The following SAMHD1 variants were observed in gnomAD, a reference collection of about 807,000 sequenced individuals.
SAMHD1 encodes the protein SAM and HD domain containing deoxynucleoside triphosphate triphosphohydrolase 1.
SAMHD1 carries 54 observed loss-of-function variants against 79.6 expected under a neutral mutation model. The observed-to-expected ratio is 0.68, with a 90% confidence interval of 0.55 to 0.85. SAMHD1 has a LOEUF of 0.85. SAMHD1 is among the 40% of genes least tolerant of loss of function. The pLI, the probability that SAMHD1 is intolerant of heterozygous loss-of-function variation, is 0.00. For synonymous variants in SAMHD1, 260 were observed against 264.1 expected, an observed-to-expected ratio of 0.98 and a Z score of 0.15; for missense variants, 663 against 782.7, an observed-to-expected ratio of 0.85 and a Z score of 1.82.
rs1178988134 is a variant in SAMHD1, at chr20:36,939,075, C to CAAAAAAA, written c.348+1957_348+1963dup. On this transcript the variant is annotated intron_variant, in intron 3 of 15. Coordinates refer to ENST00000646673, the MANE Select transcript of SAMHD1 (RefSeq NM_015474.4). ...GAAACCTTGCCTCTACTAAAAATACCAAAAAAAAAAAAAAAAAAAAAAAAA... is the reference window on the plus strand; with the variant it reads ...GAAACCTTGCCTCTACTAAAAATACCAAAAAAAAAAAAAAAAAAAAAAAAAAAAAAAA... Among the ~76,000 whole-genome samples the CAAAAAAA allele has an allele frequency of 6.4e-3, 144 of 22,530 alleles. 7 individuals carry two copies. The highest frequency in any genetic ancestry group is 0.012 in the African/African-American group (57 of 4,904). 14.8% of individuals were successfully genotyped at this position (22,530 alleles called of 152,430 possible).
At chr20:36,894,239 GTTA>G (rs1361407820) in intron 15 of SAMHD1, 3 of 231,282 alleles carry the variant, frequency 1.3e-5, no homozygotes, top group South Asian at 3.0e-4. Flanking sequence ...TAAAAAATGT[GTTA>G]TTATTTTTTT....
chr20:36,903,417 T>C (rs1238736879), intron 13 of SAMHD1, among the ~76,000 whole-genome samples: 3 of 150,878 alleles, frequency 2.0e-5, no homozygotes, highest in Non-Finnish European at 3.0e-5. Flanking sequence ...TTTTTGTATT[T>C]TTAGTAGTGA....
intron 4 of SAMHD1, among the ~76,000 whole-genome samples, chr20:36,932,932 G>A (rs2063577175): frequency 1.3e-5 from 2 of 152,034 alleles, no homozygotes; most frequent in Admixed American, 1.3e-4. Context: ...TTTTTTTAAA[G>A]TAGGAATATC....
intron 9 of SAMHD1, chr20:36,916,500 C>A (rs555302365): frequency 9.8e-5 from 45 of 461,534 alleles, no homozygotes; most frequent in African/African-American, 8.1e-4. Flanking sequence ...AACAAAAAAA[C>A]CCCAAAACCA....
chr20:36,943,817 C>T (rs1392523126), intron 2 of SAMHD1, among the ~76,000 whole-genome samples: 5 of 152,092 alleles, frequency 3.3e-5, no homozygotes, highest in East Asian at 3.9e-4. Context: ...CAGTGGCTCA[C>T]GCCTGTAATC....
rs189418911 is a variant in SAMHD1, at chr20:36,907,314, A to G, written c.1271-1811T>C. ...TCGCTCTGTTGTCAGGCTGGAGTGA[A>G]GTGGCACGTGATCATGGCTCACTGC... On this transcript the variant is annotated intron_variant, in intron 11 of 15. Transcript: ENST00000646673. Among the ~76,000 whole-genome samples, 514 of 150,342 alleles carry G rather than the reference A, an allele frequency of 3.4e-3. 4 individuals are homozygous for G. Among genetic ancestry groups the G allele is most frequent in the African/African-American group, 0.012 (477 of 40,850 alleles).
At chr20:36,903,200 C>T (rs1601117466) in intron 13 of SAMHD1, among the ~76,000 whole-genome samples, 1 of 152,048 alleles carries the variant, frequency 6.6e-6, no homozygotes, top group Non-Finnish European at 1.5e-5. Context: ...ACAGGGAGGG[C>T]AGTTTTGAAT....
Position 36,951,667 on chromosome 20 carries a change from G to A in SAMHD1, c.-24C>T, listed in dbSNP as rs1052693969. 42 of 1,612,032 alleles carry A rather than the reference G, an allele frequency of 2.6e-5. No individual in the cohort carries two copies. Among genetic ancestry groups the A allele is most frequent in the Non-Finnish European group, 3.6e-5 (42 of 1,179,950 alleles). Reference sequence around the variant, plus strand: ...ATGGCTACACCTGGCGTCCGGCACAGCAGTCAAGAACCTCGGCGCCGGACC... The same window carrying A: ...ATGGCTACACCTGGCGTCCGGCACAACAGTCAAGAACCTCGGCGCCGGACC... On this transcript the variant is annotated 5_prime_UTR_variant, in exon 1 of 16. Transcript: ENST00000646673.
chr20:36,946,684 A>C, intron 2 of SAMHD1, 54 bp downstream of exon 2: 1 of 1,423,562 alleles, frequency 7.0e-7, no homozygotes, highest in South Asian at 1.2e-5. Context: ...TTTGTCCCTG[A>C]AAGATGGATA....
At chr20:36,937,915 C>T (rs1354609239) in intron 3 of SAMHD1, among the ~76,000 whole-genome samples, 1 of 145,524 alleles carries the variant, frequency 6.9e-6, no homozygotes, top group Non-Finnish European at 1.5e-5. Flanking sequence ...TGGAGTGCAG[C>T]GGCGTGATCA....
intron 3 of SAMHD1, among the ~76,000 whole-genome samples, chr20:36,937,295 T>C (rs1425275726): frequency 6.6e-6 from 1 of 152,084 alleles, no homozygotes; most frequent in Admixed American, 6.6e-5. Flanking sequence ...GAACAAACCA[T>C]GGTGACCTTG....
chr20:36,950,987 A>G (rs960693851), intron 1 of SAMHD1, among the ~76,000 whole-genome samples: 4 of 152,180 alleles, frequency 2.6e-5, no homozygotes, highest in African/African-American at 7.2e-5. Context: ...CCGCCCACCA[A>G]GGTCTGGGGA....
At chr20:36,938,565 G>A (rs1030222163) in intron 3 of SAMHD1, among the ~76,000 whole-genome samples, 2 of 151,818 alleles carry the variant, frequency 1.3e-5, no homozygotes, top group South Asian at 2.1e-4. Flanking sequence ...GGACAGGCAC[G>A]GTGGCACGTG....
intron 2 of SAMHD1, 127 bp from the exon 3 acceptor site, chr20:36,941,238 A>G: frequency 2.8e-6 from 2 of 725,238 alleles, no homozygotes; most frequent in Non-Finnish European, 4.9e-6. Flanking sequence ...GGAACAATCA[A>G]TAATTCAAAC....
At position 36,905,453 on chromosome 20, in the gene SAMHD1, C is replaced by T. The variant is rs1311797673; in HGVS notation, c.1321G>A (p.Ala441Thr). ...TCAATTTGTTTTAAAATCTCTCGTGCGTCTTTCAATTTGGGATCAGTAGAG... is the reference window on the plus strand; with the variant it reads ...TCAATTTGTTTTAAAATCTCTCGTGTGTCTTTCAATTTGGGATCAGTAGAG... ...LYSTDPKLKDAREILKQIEYR... is the reference protein window; with the variant it reads ...LYSTDPKLKDTREILKQIEYR... Residue 441 changes from alanine to threonine, a missense_variant, in exon 12 of 16, where the codon GCA becomes ACA. Physicochemically the swap from Ala to Thr is moderately conservative, Grantham distance 58. Coordinates refer to ENST00000646673, the MANE Select transcript of SAMHD1 (RefSeq NM_015474.4). The T allele has an allele frequency of 3.1e-6, 5 of 1,613,050 alleles. No individual in the cohort carries two copies. Among genetic ancestry groups the T allele is most frequent in the African/African-American group, 1.3e-5 (1 of 74,840 alleles).
intron 15 of SAMHD1, among the ~76,000 whole-genome samples, chr20:36,894,977 A>G (rs990999128): frequency 6.6e-6 from 1 of 151,886 alleles, no homozygotes; most frequent in African/African-American, 2.4e-5. Flanking sequence ...GGCTCAAGCA[A>G]TCCTCCCACC....
rs144475111 is a variant in SAMHD1, at chr20:36,938,523, G to A, written c.348+2516C>T. ...CCACTGCACTCCAGCCTGGGCAACCGAGTGAAACTCCCTCTCAAAACAACA... is the reference window on the plus strand; with the variant it reads ...CCACTGCACTCCAGCCTGGGCAACCAAGTGAAACTCCCTCTCAAAACAACA... On this transcript the variant is annotated intron_variant, in intron 3 of 15. Transcript: ENST00000646673. Among the ~76,000 whole-genome samples the A allele has an allele frequency of 8.0e-4, 121 of 151,752 alleles. 1 individual carries two copies. In the East Asian group the frequency reaches 0.02, roughly 25 times the overall value.
At chr20:36,947,492 A>AGTGTGT in intron 1 of SAMHD1, among the ~76,000 whole-genome samples, 1 of 36,238 alleles carries the variant, frequency 2.8e-5, no homozygotes, top group Non-Finnish European at 4.9e-5. Flanking sequence ...TGTGTGTGTG[A>AGTGTGT]GTGTGTGTGT....
rs543167877 is a variant in SAMHD1, at chr20:36,924,110, G to A, written c.696+3072C>T. ...TACAAAAAATATAAAAAATTAGCTG[G>A]GCATGGTAGTGTGTGCCTGTAGTCC... On this transcript the variant is annotated intron_variant, in intron 6 of 15. Coordinates refer to ENST00000646673, the MANE Select transcript of SAMHD1 (RefSeq NM_015474.4). 2.0e-5 allele frequency among the ~76,000 whole-genome samples: 3 copies of A among 152,176 alleles called. No homozygotes were observed. In the South Asian group the frequency reaches 6.2e-4, roughly 32 times the overall value.
Sources: allele counts gnomAD v4.1 joint callset (sites outside exome capture counted in the v4.1 genomes callset), GRCh38; gene constraint gnomAD v4.1.1; transcripts MANE v1.5; gene names NCBI Gene and HGNC (gene_info 2026-07-23, HGNC 2026-07-21).